Variants in RELN observed in about 807,000 individuals in gnomAD.
The protein encoded by RELN is reelin.
Under a neutral mutation model 427.6 loss-of-function variants are expected in RELN, and 108 were observed. The observed-to-expected ratio is 0.25, with a 90% CI of 0.22 to 0.30. The LOEUF (loss-of-function observed/expected upper bound fraction) is 0.30, where lower values mean the gene tolerates loss of function less well. RELN is among the 10% of genes least tolerant of loss of function. The pLI, the probability that RELN is intolerant of heterozygous loss-of-function variation, is 1.00. For synonymous variants in RELN, 1,524 were observed against 1,513.4 expected, an observed-to-expected ratio of 1.01 and a Z score of -0.16; for missense variants, 3,715 against 4,302.8, an observed-to-expected ratio of 0.86 and a Z score of 3.82.
At chr7:103,758,324 T>C (rs1214414227) in intron 4 of RELN, among the ~76,000 whole-genome samples, 1 of 152,038 alleles carries the variant, frequency 6.6e-6, no homozygotes, top group Admixed American at 6.5e-5. Context: ...ATTAACTTAA[T>C]TAAGACCACA....
At chr7:103,744,315 AG>A (rs1388543441) in intron 6 of RELN, among the ~76,000 whole-genome samples, 2 of 152,080 alleles carry the variant, frequency 1.3e-5, no homozygotes, top group African/African-American at 4.8e-5. Flanking sequence ...AAAGCAGGAA[AG>A]ATCCAAAATT....
At position 103,708,464 on chromosome 7, in the gene RELN, C is replaced by CTTTTTTTTTTTTTTTTTTTTT. The variant is rs745955015; in HGVS notation, c.806-7459_806-7458insAAAAAAAAAAAAAAAAAAAAA. Among the ~76,000 whole-genome samples the CTTTTTTTTTTTTTTTTTTTTT allele has an allele frequency of 8.7e-4, 96 of 110,020 alleles. 7 individuals are homozygous for CTTTTTTTTTTTTTTTTTTTTT. The highest frequency in any genetic ancestry group is 1.0e-3 in the Non-Finnish European group (60 of 57,856). 72.2% of individuals were successfully genotyped at this position (110,020 alleles called of 152,430 possible). On this transcript the variant is annotated intron_variant, in intron 8 of 64. Coordinates refer to ENST00000428762, the MANE Select transcript of RELN (RefSeq NM_005045.4). ...CACCCAAACACCAGTGGGTATGACT[C>CTTTTTTTTTTTTTTTTTTTTT]TTTTTTTTTTTTTTTTTGAGACGGA...
intron 3 of RELN, among the ~76,000 whole-genome samples, chr7:103,809,208 C>T (rs1433091479): frequency 2.0e-5 from 3 of 152,176 alleles, no homozygotes; most frequent in Non-Finnish European, 4.4e-5. Flanking sequence ...ACCAACCTAT[C>T]ATTCAAGAGG....
At chr7:103,921,833 G>A (rs895920504) in intron 1 of RELN, among the ~76,000 whole-genome samples, 1 of 143,784 alleles carries the variant, frequency 7.0e-6, no homozygotes, top group Non-Finnish European at 1.5e-5. Flanking sequence ...TCTGCCTCCT[G>A]GCCTCTGCTC....
At chr7:103,696,990 T>G (rs951601897) in intron 10 of RELN, among the ~76,000 whole-genome samples, 1 of 152,132 alleles carries the variant, frequency 6.6e-6, no homozygotes, top group African/African-American at 2.4e-5. Flanking sequence ...TATTCTGAAT[T>G]TTTCCCAAGA....
chr7:103,549,843 G>A (rs1399145610), intron 41 of RELN, among the ~76,000 whole-genome samples: 5 of 151,964 alleles, frequency 3.3e-5, no homozygotes, highest in African/African-American at 1.2e-4. Flanking sequence ...CAACCATTTC[G>A]AATAAAAACT....
intron 3 of RELN, among the ~76,000 whole-genome samples, chr7:103,795,187 G>A (rs1265699511): frequency 6.6e-6 from 1 of 152,182 alleles, no homozygotes; most frequent in African/African-American, 2.4e-5. Flanking sequence ...TTGGGCAAAA[G>A]AGAAAAGAAA....
At chr7:103,851,344 G>A (rs907352745) in intron 2 of RELN, among the ~76,000 whole-genome samples, 1 of 152,074 alleles carries the variant, frequency 6.6e-6, no homozygotes, top group African/African-American at 2.4e-5. Context: ...GGGAAGAGTG[G>A]GAGGAGGTAA....
intron 1 of RELN, among the ~76,000 whole-genome samples, chr7:103,983,674 A>G (rs1271217930): frequency 6.6e-6 from 1 of 152,198 alleles, no homozygotes; most frequent in African/African-American, 2.4e-5. Flanking sequence ...TTTGAAATGA[A>G]AATACTTAGA....
In RELN at chr7:103,842,005, A is replaced by T. The variant is rs371470998; in HGVS notation, c.338-8333T>A. On this transcript the variant is annotated intron_variant, in intron 2 of 64. Transcript: ENST00000428762. ...AAAGGGCAAGTACATTAAAATTATG[A>T]TTTTTTTATGTGAAAAATATAACCC... is the stretch of plus-strand genomic sequence containing the variant. Among the ~76,000 whole-genome samples the T allele has an allele frequency of 4.9e-4, 75 of 152,198 alleles. 1 individual carries two copies. The highest frequency in any genetic ancestry group is 1.7e-3 in the African/African-American group (72 of 41,550).
chr7:103,581,754 G>A (rs1831155400), intron 28 of RELN, among the ~76,000 whole-genome samples: 1 of 152,094 alleles, frequency 6.6e-6, no homozygotes, highest in Non-Finnish European at 1.5e-5. Context: ...AATGAGATGA[G>A]GCTTTGCAGT....
At chr7:103,657,734 A>G (rs1434584768) in intron 12 of RELN, among the ~76,000 whole-genome samples, 1 of 152,104 alleles carries the variant, frequency 6.6e-6, no homozygotes, top group Non-Finnish European at 1.5e-5. Context: ...AGCAATTTAT[A>G]GTTCTGTGAA....
rs1473905439 is a variant in RELN, at chr7:103,783,811, C to T, written c.474-7184G>A. On this transcript the variant is annotated intron_variant, in intron 3 of 64. Transcript: ENST00000428762. Reference sequence around the variant, plus strand: ...TCCTGAAATGGAGATGGAGGCTTTACGTTCATCTGACAGTATTTGTTCATC... The same window carrying T: ...TCCTGAAATGGAGATGGAGGCTTTATGTTCATCTGACAGTATTTGTTCATC... 2.6e-5 allele frequency among the ~76,000 whole-genome samples: 4 copies of T among 152,170 alleles called. No individual in the cohort carries two copies. The South Asian group carries it at 6.2e-4, about 24-fold the overall frequency.
chr7:103,820,763 G>C (rs2116370228), intron 3 of RELN, among the ~76,000 whole-genome samples: 1 of 152,090 alleles, frequency 6.6e-6, no homozygotes, highest in African/African-American at 2.4e-5. Flanking sequence ...TCTTAATAAT[G>C]AGGCACTTGA....
intron 2 of RELN, among the ~76,000 whole-genome samples, chr7:103,908,341 T>A (rs1248353456): frequency 6.6e-6 from 1 of 152,198 alleles, no homozygotes; most frequent in Non-Finnish European, 1.5e-5. Flanking sequence ...ATTTTGAGCA[T>A]ATAATATATA....
rs17157043 is a variant in RELN, at chr7:103,889,045, C to A, written c.337+28030G>T. On this transcript the variant is annotated intron_variant, in intron 2 of 64. Coordinates refer to ENST00000428762, the MANE Select transcript of RELN (RefSeq NM_005045.4). ...TGCAGCTCCTTGTTCTGACCCTTGTCAACCAGCTCTGTTTCTGACGAGAGA... is the reference window on the plus strand; with the variant it reads ...TGCAGCTCCTTGTTCTGACCCTTGTAAACCAGCTCTGTTTCTGACGAGAGA... 3.9e-3 allele frequency among the ~76,000 whole-genome samples: 601 copies of A among 152,300 alleles called. 22 individuals are homozygous for A. The East Asian group carries it at 0.072, about 18-fold the overall frequency.
chr7:103,895,003 G>C (rs2116602062), intron 2 of RELN, among the ~76,000 whole-genome samples: 1 of 152,004 alleles, frequency 6.6e-6, no homozygotes, highest in African/African-American at 2.4e-5. Flanking sequence ...TTTTTTATTT[G>C]ACAGGAGAAC....
At chr7:103,754,292 T>A (rs1328802609) in intron 4 of RELN, among the ~76,000 whole-genome samples, 1 of 152,158 alleles carries the variant, frequency 6.6e-6, no homozygotes, top group South Asian at 2.1e-4. Flanking sequence ...TTCATCTATT[T>A]CTTTCCATTT....
At chr7:103,837,315 T>C (rs1190046385) in intron 2 of RELN, among the ~76,000 whole-genome samples, 2 of 152,202 alleles carry the variant, frequency 1.3e-5, no homozygotes, top group African/African-American at 4.8e-5. Flanking sequence ...AAATACAAAC[T>C]TCTTAGCATC....
Sources: gnomAD v4.1 joint callset for allele counts (sites outside exome capture counted in the v4.1 genomes callset) on GRCh38, gnomAD v4.1.1 for gene constraint, MANE v1.5 for transcripts, NCBI Gene and HGNC (gene_info 2026-07-23, HGNC 2026-07-21) for gene names.